Variants in KAZN observed in about 807,000 individuals in gnomAD.
The protein encoded by KAZN is kazrin.
KAZN carries 40 observed loss-of-function variants against 87.4 expected under a neutral mutation model. That is an observed-to-expected ratio of 0.46 (90% CI 0.36 to 0.60). KAZN has a LOEUF of 0.60. Ranked by LOEUF, KAZN falls within the 20% of genes least tolerant of loss-of-function variation. The pLI is 0.00. For missense variants in KAZN, 898 were observed against 1,073.9 expected, an observed-to-expected ratio of 0.84 and a Z score of 2.29; for synonymous variants, 466 against 458.3, an observed-to-expected ratio of 1.02 and a Z score of -0.22.
At chr1:14,327,644 T>C (rs1656534745) in intron 2 of KAZN, among the ~76,000 whole-genome samples, 1 of 152,170 alleles carries the variant, frequency 6.6e-6, no homozygotes, top group Non-Finnish European at 1.5e-5. Context: ...TCAATAAAGA[T>C]TTGGTGAATT....
chr1:14,283,629 G>C (rs918441832), intron 2 of KAZN, among the ~76,000 whole-genome samples: 2 of 152,140 alleles, frequency 1.3e-5, no homozygotes, highest in Non-Finnish European at 2.9e-5. Flanking sequence ...ACCCTTATAC[G>C]TTGCTGGTGG....
intron 1 of KAZN, among the ~76,000 whole-genome samples, chr1:13,962,017 C>T (rs990989530): frequency 2.6e-5 from 4 of 152,198 alleles, no homozygotes; most frequent in African/African-American, 9.7e-5. Flanking sequence ...GCATCCTTCT[C>T]ACCTCAGCAT....
chr1:13,945,716 AG>A (rs1557737843), intron 1 of KAZN, among the ~76,000 whole-genome samples: 14 of 59,818 alleles, frequency 2.3e-4, no homozygotes, highest in Non-Finnish European at 4.3e-4. Flanking sequence ...TGTGTGAGAG[AG>A]AGAGAGAGAG....
At chr1:14,333,860 C>T (rs1458134916) in intron 2 of KAZN, among the ~76,000 whole-genome samples, 2 of 152,062 alleles carry the variant, frequency 1.3e-5, no homozygotes, top group Non-Finnish European at 2.9e-5. Flanking sequence ...GCAAAGTGGT[C>T]AAAGGCCACA....
chr1:14,257,053 G>C (rs1419707354), intron 2 of KAZN, among the ~76,000 whole-genome samples: 3 of 152,098 alleles, frequency 2.0e-5, no homozygotes, highest in African/African-American at 7.2e-5. Flanking sequence ...CTTTTAATCA[G>C]AAAGTTCATC....
intron 1 of KAZN, among the ~76,000 whole-genome samples, chr1:13,927,349 G>C (rs1027056335): frequency 1.3e-5 from 2 of 152,166 alleles, no homozygotes; most frequent in African/African-American, 4.8e-5. Context: ...GAGCACAGTG[G>C]GGCATTACAG....
intron 1 of KAZN, among the ~76,000 whole-genome samples, chr1:13,994,631 T>A (rs1639426758): frequency 6.6e-6 from 1 of 152,108 alleles, no homozygotes; most frequent in Non-Finnish European, 1.5e-5. Context: ...TGAGTGGAAA[T>A]TGGAGTATAA....
At chr1:13,968,377 AACTTCCACTGTGG>A (rs1642018654) in intron 1 of KAZN, among the ~76,000 whole-genome samples, 1 of 152,164 alleles carries the variant, frequency 6.6e-6, no homozygotes, top group Admixed American at 6.5e-5. Context: ...AGTGCCTTGG[AACTTCCACTGTGG>A]ATCCCCGACA....
At chr1:14,353,104 T>C (rs2100948063) in intron 2 of KAZN, among the ~76,000 whole-genome samples, 1 of 152,188 alleles carries the variant, frequency 6.6e-6, no homozygotes, top group East Asian at 1.9e-4. Context: ...TGGAGACGAG[T>C]CAAGGGATGT....
chr1:15,035,114 G>T (rs184698608), intron 3 of KAZN, among the ~76,000 whole-genome samples: 7 of 151,930 alleles, frequency 4.6e-5, no homozygotes, highest in Non-Finnish European at 1.0e-4. Context: ...GAGTCCGGGG[G>T]GTTCAGATCC....
intron 2 of KAZN, among the ~76,000 whole-genome samples, chr1:14,379,932 T>C (rs753191234): frequency 3.9e-5 from 6 of 152,130 alleles, no homozygotes; most frequent in South Asian, 2.1e-4. Flanking sequence ...CCCAGTGTTA[T>C]GCTGGCTTCA....
chr1:15,034,221 C>T (rs752568127), intron 2 of KAZN, among the ~76,000 whole-genome samples: 3 of 152,032 alleles, frequency 2.0e-5, no homozygotes, highest in Non-Finnish European at 2.9e-5. Context: ...TGATGAATTC[C>T]GATCTATCTG....
chr1:15,001,939 G>A (rs1668526649), intron 2 of KAZN, among the ~76,000 whole-genome samples: 1 of 144,322 alleles, frequency 6.9e-6, no homozygotes, highest in Non-Finnish European at 1.5e-5. Context: ...GGAGGGCAGT[G>A]GCACGATCTC....
At chr1:14,342,375 T>C (rs922179857) in intron 2 of KAZN, among the ~76,000 whole-genome samples, 16 of 152,252 alleles carry the variant, frequency 1.1e-4, no homozygotes, top group Admixed American at 9.8e-4. Context: ...CTGGGTTGAA[T>C]GGTATGTCTA....
At chr1:14,780,205 G>A (rs759493280) in intron 1 of KAZN, among the ~76,000 whole-genome samples, 1 of 152,150 alleles carries the variant, frequency 6.6e-6, no homozygotes, top group Admixed American at 6.5e-5. Context: ...GCCTTGGCCC[G>A]ATCTTTGCTC....
intron 1 of KAZN, chr1:14,180,377 A>G: frequency 4.7e-6 from 7 of 1,495,848 alleles, no homozygotes; most frequent in South Asian, 2.5e-5. Flanking sequence ...TGGCTAGTCA[A>G]TTTCTCTTTG....
intron 2 of KAZN, among the ~76,000 whole-genome samples, chr1:14,373,203 AT>A (rs1435346271): frequency 2.5e-4 from 1 of 4,030 alleles, no homozygotes; most frequent in African/African-American, 4.7e-4. Context: ...AACTGAATAT[AT>A]ATATATATAT....
intron 1 of KAZN, among the ~76,000 whole-genome samples, chr1:13,958,738 A>AGATACATCTATGGGAGGCAGACC (rs1553178649): frequency 9.2e-5 from 14 of 152,084 alleles, no homozygotes; most frequent in African/African-American, 3.1e-4. Context: ...GTGGGCAGAT[A>AGATACATCTATGGGAGGCAGACC]GATACATCTA....
chr1:14,859,111 G>T (rs1314371957), intron 1 of KAZN, among the ~76,000 whole-genome samples: 1 of 151,964 alleles, frequency 6.6e-6, no homozygotes, highest in East Asian at 1.9e-4. Context: ...GGAGGCTGAG[G>T]CAGGAGAATG....
Sources: gnomAD v4.1 joint callset for allele counts (sites outside exome capture counted in the v4.1 genomes callset) on GRCh38, gnomAD v4.1.1 for gene constraint, MANE v1.5 for transcripts, NCBI Gene and HGNC (gene_info 2026-07-23, HGNC 2026-07-21) for gene names.